NR3C2: variants seen among roughly 807,000 people sequenced by gnomAD.
NR3C2 encodes the protein nuclear receptor subfamily 3 group C member 2.
Under a neutral mutation model 86.4 loss-of-function variants are expected in NR3C2, and 15 were observed. That is an observed-to-expected ratio of 0.17 (90% confidence interval 0.12 to 0.27). The LOEUF is 0.27. Among genes scored for constraint, NR3C2 ranks in the 10% least tolerant of loss-of-function variants. The pLI is 1.00. For synonymous variants in NR3C2, 458 were observed against 450.5 expected (o/e 1.02, Z -0.21); for missense variants, 960 against 1,195.6 (o/e 0.80, Z 2.91).
At chr4:148,273,261 T>C (rs1169627048) in intron 2 of NR3C2, among the ~76,000 whole-genome samples, 1 of 152,234 alleles carries the variant, frequency 6.6e-6, no homozygotes, top group Non-Finnish European at 1.5e-5. Context: ...CTTCGTCTAT[T>C]AAAACTGTAC....
rs115990175 is a variant in NR3C2 at position 148,115,959 on chromosome 4, T to C, written c.2642-1698A>G. ...AGAACAGTAATAACCAGGATGTTAA[T>C]AGTAAAATCCAATTTCTACCAAAAT... On this transcript the variant is annotated intron_variant, in intron 7 of 8. Transcript: ENST00000358102. Among the ~76,000 whole-genome samples the C allele has an allele frequency of 2.2e-3, 331 of 152,314 alleles. 2 individuals carry two copies. The highest frequency in any genetic ancestry group is 7.5e-3 in the African/African-American group (311 of 41,584).
At chr4:148,213,484 T>C (rs72653877) in intron 3 of NR3C2, among the ~76,000 whole-genome samples, 9 of 152,216 alleles carry the variant, frequency 5.9e-5, no homozygotes, top group South Asian at 4.1e-4. Flanking sequence ...TTCAGTTTTC[T>C]GCTTACATAT....
chr4:148,200,170 G>A (rs1293796799), intron 3 of NR3C2, among the ~76,000 whole-genome samples: 1 of 152,224 alleles, frequency 6.6e-6, no homozygotes, highest in Non-Finnish European at 1.5e-5. Context: ...AACAGACAGT[G>A]TCCACACAGT....
rs72656817 is a variant in NR3C2, at chr4:148,330,511, T to A, written c.1758-70394A>T. On this transcript the variant is annotated intron_variant, in intron 2 of 8. Coordinates refer to ENST00000358102, the MANE Select transcript of NR3C2 (RefSeq NM_000901.5). ...AGCAGGGGCAACCCAATTTAGACAT[T>A]AAAATGTAGTCTTTTTATATCCTGT... Among the ~76,000 whole-genome samples the A allele has an allele frequency of 7.6e-3, 1,030 of 134,984 alleles. 12 individuals carry two copies. The highest frequency in any genetic ancestry group is 0.03 in the African/African-American group (946 of 31,152). 88.6% of individuals were successfully genotyped at this position (134,984 alleles called of 152,430 possible). A position where few individuals can be genotyped will look rare whatever the true frequency, so the allele number is the denominator to read the frequency against.
chr4:148,324,504 A>T (rs1021633842), intron 2 of NR3C2, among the ~76,000 whole-genome samples: 1 of 152,162 alleles, frequency 6.6e-6, no homozygotes, highest in African/African-American at 2.4e-5. Flanking sequence ...AGAGAGTAGA[A>T]GAGTGGTTGG....
intron 2 of NR3C2, among the ~76,000 whole-genome samples, chr4:148,366,564 C>T (rs1343026230): frequency 1.9e-4 from 1 of 5,176 alleles, no homozygotes; most frequent in African/African-American, 7.4e-4. Flanking sequence ...TTTCAAGACA[C>T]AAGTACCAAT....
intron 2 of NR3C2, among the ~76,000 whole-genome samples, chr4:148,311,351 C>T (rs1017266086): frequency 3.3e-5 from 5 of 152,182 alleles, no homozygotes; most frequent in Admixed American, 1.3e-4. Flanking sequence ...ACATACTTCT[C>T]ACCTCCAAAC....
chr4:148,416,962 A>C (rs1199911552), intron 2 of NR3C2, among the ~76,000 whole-genome samples: 2 of 152,072 alleles, frequency 1.3e-5, no homozygotes, highest in Admixed American at 6.5e-5. Context: ...TTTTTAGTAG[A>C]GACGGGGTTT....
At chr4:148,431,905 A>T (rs1287159567) in intron 2 of NR3C2, among the ~76,000 whole-genome samples, 1 of 152,208 alleles carries the variant, frequency 6.6e-6, no homozygotes, top group Admixed American at 6.5e-5. Flanking sequence ...CATTCTTAAA[A>T]AGTATGAAGG....
chr4:148,380,266 T>C (rs898686305), intron 2 of NR3C2, among the ~76,000 whole-genome samples: 4 of 152,240 alleles, frequency 2.6e-5, no homozygotes, highest in African/African-American at 7.2e-5. Flanking sequence ...TTTCAAGGTT[T>C]ATCCATGTTG....
chr4:148,172,282 T>C (rs780541232), intron 4 of NR3C2, among the ~76,000 whole-genome samples: 10 of 152,166 alleles, frequency 6.6e-5, no homozygotes, highest in Non-Finnish European at 1.0e-4. Context: ...CAACACCCCA[T>C]TGTCTTCCAT....
chr4:148,435,086 T>C lies in NR3C2; in HGVS notation c.1757+18A>G. On this transcript the variant is annotated intron_variant, in intron 2 of 8. Transcript: ENST00000358102. ...TATAAAGCCATGACTTCCAAAAAAA[T>C]GGAGAAAACCAACTTACCTTGATAC... 1 of 1,613,428 alleles carries C rather than the reference T, an allele frequency of 6.2e-7. No homozygotes were observed. The highest frequency in any genetic ancestry group is 2.2e-5 in the East Asian group (1 of 44,886).
intron 3 of NR3C2, among the ~76,000 whole-genome samples, chr4:148,249,908 T>A (rs1321281563): frequency 6.6e-6 from 1 of 152,192 alleles, no homozygotes; most frequent in East Asian, 1.9e-4. Flanking sequence ...CAGCCTGTTC[T>A]TTTCTTGATG....
upstream of NR3C2, chr4:148,444,651 G>A (rs1311081541): frequency 1.0e-6 from 1 of 985,810 alleles, no homozygotes. Flanking sequence ...TGGAGAGGAT[G>A]ATAATCCCGG....
In NR3C2 at chr4:148,403,688, A is replaced by G. The variant is rs534586793; in HGVS notation, c.1757+31416T>C. Among the ~76,000 whole-genome samples, 6 of 152,212 alleles carry G rather than the reference A, an allele frequency of 3.9e-5. No homozygotes were observed. In the South Asian group the frequency reaches 1.0e-3, roughly 26 times the overall value. On this transcript the variant is annotated intron_variant, in intron 2 of 8. Transcript: ENST00000358102. The stretch of plus-strand genomic sequence containing the variant: ...GTTAGATTTGATCACAGTAATTTGC[A>G]ATTTTAAATGTCCTAAATAATATAA...
intron 2 of NR3C2, among the ~76,000 whole-genome samples, chr4:148,262,167 A>T (rs1203417685): frequency 6.6e-6 from 1 of 152,238 alleles, no homozygotes; most frequent in Non-Finnish European, 1.5e-5. Flanking sequence ...ACTTAAAATC[A>T]TCATGAAAAT....
chr4:148,243,314 C>T (rs997527198), intron 3 of NR3C2, among the ~76,000 whole-genome samples: 1 of 152,134 alleles, frequency 6.6e-6, no homozygotes, highest in South Asian at 2.1e-4. Context: ...CAGGTATGAA[C>T]CACTGTGGCT....
chr4:148,436,911 T>A, intron 1 of NR3C2, 49 bp from the exon 2 acceptor site: 1 of 1,416,350 alleles, frequency 7.1e-7, no homozygotes, highest in Non-Finnish European at 9.7e-7. Flanking sequence ...ATAGCAATAT[T>A]ACTCTAAAAG....
chr4:148,284,916 T>C (rs1468418683), intron 2 of NR3C2, among the ~76,000 whole-genome samples: 1 of 152,228 alleles, frequency 6.6e-6, no homozygotes, highest in African/African-American at 2.4e-5. Flanking sequence ...TCATTTCATA[T>C]ACAAAAAACT....
Sources: allele counts gnomAD v4.1 joint callset (sites outside exome capture counted in the v4.1 genomes callset), GRCh38; gene constraint gnomAD v4.1.1; transcripts MANE v1.5; gene names NCBI Gene and HGNC (gene_info 2026-07-23, HGNC 2026-07-21).